SYT16: variants seen among roughly 807,000 people sequenced by gnomAD.
SYT16 encodes the protein synaptotagmin-16.
SYT16 carries 42 observed loss-of-function variants against 61.4 expected under a neutral mutation model. That is an observed-to-expected ratio of 0.68 (90% confidence interval 0.53 to 0.89). SYT16 has a LOEUF of 0.89. Ranked by LOEUF, SYT16 falls within the 40% of genes least tolerant of loss-of-function variation. SYT16 has a pLI of 0.00. For synonymous variants in SYT16, 314 were observed against 302.3 expected (o/e 1.04, Z -0.40); for missense variants, 804 against 807.3 (o/e 1.00, Z 0.05).
intron 1 of SYT16, among the ~76,000 whole-genome samples, chr14:61,857,692 A>G (rs1044920556): frequency 3.9e-5 from 6 of 152,178 alleles, no homozygotes; most frequent in Admixed American, 1.3e-4. Flanking sequence ...TGATAGGAAT[A>G]ACTCAGTAGA....
At chr14:62,099,196 A>G (rs1305919831) in intron 7 of SYT16, among the ~76,000 whole-genome samples, 2 of 152,166 alleles carry the variant, frequency 1.3e-5, no homozygotes, top group Non-Finnish European at 2.9e-5. Flanking sequence ...ACATGGCCAG[A>G]TTTGTATTTC....
chr14:61,889,723 T>G (rs1011556501), intron 1 of SYT16, among the ~76,000 whole-genome samples: 2 of 151,816 alleles, frequency 1.3e-5, no homozygotes, highest in African/African-American at 2.4e-5. Flanking sequence ...CCACTCTGAG[T>G]GGAAGCAGTC....
chr14:62,045,488 C>T (rs10151457), intron 3 of SYT16, among the ~76,000 whole-genome samples: 50,705 of 151,874 alleles, frequency 0.33, 10,365 homozygotes, highest in African/African-American at 0.58. Flanking sequence ...TTTTAGGGTA[C>T]GTGTACACAA....
At chr14:62,072,316 C>T (rs1321042745) in intron 4 of SYT16, among the ~76,000 whole-genome samples, 1 of 152,180 alleles carries the variant, frequency 6.6e-6, no homozygotes, top group Non-Finnish European at 1.5e-5. Context: ...GAACTAGAAT[C>T]AGCAGGATTA....
intron 2 of SYT16, among the ~76,000 whole-genome samples, chr14:61,991,344 G>GTA (rs1294710730): frequency 2.0e-5 from 3 of 151,664 alleles, no homozygotes; most frequent in Non-Finnish European, 4.4e-5. Flanking sequence ...GTGTGTGTGT[G>GTA]TGTGTGTGTG....
chr14:61,858,887 C>T (rs1323546761), intron 1 of SYT16, among the ~76,000 whole-genome samples: 1 of 148,978 alleles, frequency 6.7e-6, no homozygotes, highest in East Asian at 2.0e-4. Flanking sequence ...CGGAGTCTCA[C>T]TCTGTTGCCC....
chr14:61,832,010 C>T, intron 1 of SYT16: 1 of 669,880 alleles, frequency 1.5e-6, no homozygotes, highest in South Asian at 1.5e-5. Flanking sequence ...AGCGCTTCTC[C>T]CAGATGATAA....
At chr14:61,893,192 G>A (rs982767246) in intron 1 of SYT16, among the ~76,000 whole-genome samples, 1 of 152,234 alleles carries the variant, frequency 6.6e-6, no homozygotes, top group Admixed American at 6.5e-5. Flanking sequence ...GAAAGTGAAT[G>A]TGGTTTGGGG....
At chr14:61,955,121 G>T (rs1406562619) in intron 1 of SYT16, among the ~76,000 whole-genome samples, 1 of 151,974 alleles carries the variant, frequency 6.6e-6, no homozygotes, top group Non-Finnish European at 1.5e-5. Flanking sequence ...ATTTATTGAG[G>T]TGTGATTAAC....
intron 3 of SYT16, among the ~76,000 whole-genome samples, chr14:62,065,761 G>A (rs148612601): frequency 1.2e-3 from 190 of 152,318 alleles, no homozygotes; most frequent in African/African-American, 4.4e-3. Context: ...AAAGGTGGAA[G>A]TAGTTTGATT....
chr14:61,990,077 C>T (rs2052483571), intron 2 of SYT16, among the ~76,000 whole-genome samples: 1 of 152,170 alleles, frequency 6.6e-6, no homozygotes, highest in African/African-American at 2.4e-5. Context: ...TTCCAACCCA[C>T]ATAAGAAATT....
At chr14:61,885,995 T>C (rs2047885418) in intron 1 of SYT16, among the ~76,000 whole-genome samples, 1 of 150,372 alleles carries the variant, frequency 6.7e-6, no homozygotes, top group African/African-American at 2.5e-5. Flanking sequence ...GACAGAGTCT[T>C]GCTCTGTCGC....
At chr14:61,867,516 A>G (rs907445402) in intron 1 of SYT16, among the ~76,000 whole-genome samples, 22 of 152,230 alleles carry the variant, frequency 1.4e-4, no homozygotes, top group Non-Finnish European at 2.6e-4. Context: ...TGGAATCTAC[A>G]TAAAAGCTAC....
In SYT16 at chr14:61,860,619, A is replaced by G. The variant is rs557625323; in HGVS notation, c.-325+47809A>G. Reference sequence around the variant, plus strand: ...GTATTTTTAAAAAGTATTGGTCTATAATAGATTGGAAATAAAAACATCTAG... The same window carrying G: ...GTATTTTTAAAAAGTATTGGTCTATGATAGATTGGAAATAAAAACATCTAG... On this transcript the variant is annotated intron_variant, in intron 1 of 7. Transcript: ENST00000683842. 8.1e-4 allele frequency among the ~76,000 whole-genome samples: 123 copies of G among 152,316 alleles called. 4 individuals carry two copies. In the South Asian group the frequency reaches 0.025, roughly 31 times the overall value.
intron 1 of SYT16, among the ~76,000 whole-genome samples, chr14:61,914,636 C>A (rs1264062732): frequency 1.3e-5 from 2 of 152,142 alleles, no homozygotes; most frequent in Admixed American, 6.6e-5. Flanking sequence ...ATCTTTGACT[C>A]ATTTTCTTCA....
At chr14:61,967,251 A>G (rs2051352510) in intron 1 of SYT16, among the ~76,000 whole-genome samples, 1 of 152,220 alleles carries the variant, frequency 6.6e-6, no homozygotes, top group South Asian at 2.1e-4. Flanking sequence ...GATGAGCGAT[A>G]AAGACTGGAA....
At chr14:61,816,799 C>T (rs915579603) in intron 1 of SYT16, among the ~76,000 whole-genome samples, 13 of 150,850 alleles carry the variant, frequency 8.6e-5, no homozygotes, top group African/African-American at 2.9e-4. Flanking sequence ...ATCACGAGGT[C>T]AGGAGATGAA....
chr14:62,002,664 T>C (rs1434369353), intron 3 of SYT16, among the ~76,000 whole-genome samples: 1 of 152,136 alleles, frequency 6.6e-6, no homozygotes, highest in East Asian at 1.9e-4. Flanking sequence ...GAGTTTTTCC[T>C]GCCCCTTCCC....
chr14:61,959,291 T>C (rs1432555413), intron 1 of SYT16, among the ~76,000 whole-genome samples: 2 of 152,164 alleles, frequency 1.3e-5, no homozygotes, highest in Non-Finnish European at 2.9e-5. Flanking sequence ...ACTATTGCCA[T>C]ATTGTTAATT....
Sources: allele counts gnomAD v4.1 joint callset (sites outside exome capture counted in the v4.1 genomes callset), GRCh38; gene constraint gnomAD v4.1.1; transcripts MANE v1.5; gene names NCBI Gene and HGNC (gene_info 2026-07-23, HGNC 2026-07-21).